GYPB: variants seen among roughly 807,000 people sequenced by gnomAD.
The protein encoded by GYPB is glycophorin B (MNS blood group), also known as glycophorin-B.
A neutral mutation model predicts 15.3 loss-of-function variants in GYPB; 13 were observed. The observed-to-expected ratio is 0.85, with a 90% CI of 0.55 to 1.35. The LOEUF (loss-of-function observed/expected upper bound fraction) is 1.35. Ranked by LOEUF, GYPB falls within the 40% of genes most tolerant of loss-of-function variation. GYPB has a pLI of 0.00. For missense variants in GYPB, 131 were observed against 108.3 expected (o/e 1.21, Z -0.93); for synonymous variants, 38 against 36.9 (o/e 1.03, Z -0.11).
chr4:144,002,583 C>T, intron 1 of GYPB: 6 of 1,286,484 alleles, frequency 4.7e-6, no homozygotes, highest in Non-Finnish European at 6.1e-6. Context: ...TTGCTCATCT[C>T]TTGGAGACAT....
chr4:144,005,024 C>CT (rs1359089340), intron 1 of GYPB, among the ~76,000 whole-genome samples: 1 of 151,950 alleles, frequency 6.6e-6, no homozygotes, highest in African/African-American at 2.4e-5. Context: ...ATTTTTATCT[C>CT]TTTGCCTTTG....
At chr4:143,997,748 TTAACA>T in intron 3 of GYPB, 114 bp from the exon 4 acceptor site, 3 of 673,054 alleles carry the variant, frequency 4.5e-6, no homozygotes, top group Non-Finnish European at 8.3e-6. Flanking sequence ...CAAAGTACAG[TTAACA>T]TACTATTATG....
At position 143,997,532 on chromosome 4, in the gene GYPB, A is replaced by C. The variant is rs749333057; in HGVS notation, c.270+8T>G. On this transcript the variant is annotated splice_region_variant and intron_variant, in intron 4 of 4. Coordinates refer to ENST00000502664, the MANE Select transcript of GYPB (RefSeq NM_002100.6). ...TATTTAGAGCAAAATTAAAAACTGAATTCTCACCTTTATCAGTCGGCGAAT... is the reference window on the plus strand; with the variant it reads ...TATTTAGAGCAAAATTAAAAACTGACTTCTCACCTTTATCAGTCGGCGAAT... The C allele has an allele frequency of 6.6e-7, 1 of 1,515,720 alleles. No homozygotes were observed. The highest frequency in any genetic ancestry group is 9.1e-7 in the Non-Finnish European group (1 of 1,093,610). The allele number at this position is 1,515,720 out of a possible 1,614,324, so 93.9% of individuals were successfully genotyped here.
intron 1 of GYPB, among the ~76,000 whole-genome samples, chr4:144,011,044 A>G (rs1728190584): frequency 6.6e-6 from 1 of 151,624 alleles, no homozygotes; most frequent in Admixed American, 6.5e-5. Context: ...CATATGGATT[A>G]TGGTTTTGTG....
At chr4:144,007,837 C>T (rs1728001213) in intron 1 of GYPB, among the ~76,000 whole-genome samples, 1 of 151,234 alleles carries the variant, frequency 6.6e-6, no homozygotes. Context: ...AGGGTCTCAC[C>T]ATATTGCCCA....
In GYPB at chr4:144,001,296, G is replaced by T. The variant is rs768663494; in HGVS notation, c.38-13C>A. 8.7e-6 allele frequency: 14 copies of T among 1,612,800 alleles called. No individual in the cohort carries two copies. Among genetic ancestry groups the T allele is most frequent in the Non-Finnish European group, 6.8e-6 (8 of 1,179,792 alleles). Reference sequence around the variant, plus strand: ...ATGCTCACAATTTCTGTATAAAATAGAAGTTGAGAAAGGGATTAAGAACGA... The same window carrying T: ...ATGCTCACAATTTCTGTATAAAATATAAGTTGAGAAAGGGATTAAGAACGA... On this transcript the variant is annotated splice_polypyrimidine_tract_variant and intron_variant, in intron 1 of 4. Coordinates refer to ENST00000502664, the MANE Select transcript of GYPB (RefSeq NM_002100.6).
chr4:144,006,425 C>T (rs1161765673), intron 1 of GYPB, among the ~76,000 whole-genome samples: 1 of 151,964 alleles, frequency 6.6e-6, no homozygotes, highest in African/African-American at 2.4e-5. Context: ...AGGATAACAA[C>T]TGGAAATAGC....
intron 3 of GYPB, among the ~76,000 whole-genome samples, chr4:143,999,019 AC>A (rs1727469660): frequency 6.6e-6 from 1 of 150,944 alleles, no homozygotes; most frequent in Non-Finnish European, 1.5e-5. Flanking sequence ...CGATCCTCCC[AC>A]CTCAGCCAGC....
At chr4:143,995,480 T>A (rs1249195639), downstream of GYPB, among the ~76,000 whole-genome samples, 1 of 151,232 alleles carries the variant, frequency 6.6e-6, no homozygotes, top group African/African-American at 2.5e-5. Context: ...AGAGGAAACG[T>A]GCTGCACATT....
chr4:144,017,096 G>A (rs1251931204), intron 1 of GYPB, among the ~76,000 whole-genome samples: 1 of 150,702 alleles, frequency 6.6e-6, no homozygotes, highest in African/African-American at 2.5e-5. Flanking sequence ...CCCACCCTCC[G>A]TGTATCCTCC....
At chr4:144,017,429 C>A (rs1728564291) in intron 1 of GYPB, among the ~76,000 whole-genome samples, 1 of 150,904 alleles carries the variant, frequency 6.6e-6, no homozygotes. Flanking sequence ...TGATCTTCCA[C>A]CTTTCTGTTA....
chr4:144,009,601 C>CTTTTTTT (rs55807150), intron 1 of GYPB, among the ~76,000 whole-genome samples: 16 of 57,802 alleles, frequency 2.8e-4, no homozygotes, highest in African/African-American at 9.7e-4. Flanking sequence ...TTTTTTCTTT[C>CTTTTTTT]TTTTTTTTTT....
downstream of GYPB, among the ~76,000 whole-genome samples, chr4:143,995,764 G>A (rs141395984): frequency 0.014 from 2,117 of 151,446 alleles, 30 homozygotes; most frequent in Non-Finnish European, 0.024. Flanking sequence ...CAAAAATCTG[G>A]TTTTTGACAA....
chr4:144,004,771 TG>T lies in GYPB; in HGVS notation c.38-3489del, dbSNP rs1473606829. 9.2e-5 allele frequency among the ~76,000 whole-genome samples: 14 copies of T among 151,974 alleles called. No homozygotes were observed. In the Middle Eastern group the frequency reaches 0.01, roughly 111 times the overall value. The stretch of plus-strand genomic sequence containing the variant: ...GATAACAACAGCTCACACAACTACT[TG>T]GCTCTCCTAGATTCCTAAGACCCTA... On this transcript the variant is annotated intron_variant, in intron 1 of 4. Coordinates refer to ENST00000502664, the MANE Select transcript of GYPB (RefSeq NM_002100.6).
In GYPB at chr4:143,997,694, A is replaced by G. The variant is rs1477031334; in HGVS notation, c.176-60T>C. ...TAAATGACCACATAGCAATAGAAAAATAAGACAGATAACATCAGCATAACA... is the reference window on the plus strand; with the variant it reads ...TAAATGACCACATAGCAATAGAAAAGTAAGACAGATAACATCAGCATAACA... On this transcript the variant is annotated intron_variant, in intron 3 of 4. Coordinates refer to ENST00000502664, the MANE Select transcript of GYPB (RefSeq NM_002100.6). The G allele has an allele frequency of 4.7e-5, 40 of 844,252 alleles. 1 individual carries two copies. Among genetic ancestry groups the G allele is most frequent in the African/African-American group, 1.0e-4 (6 of 58,828 alleles). 52.3% of individuals were successfully genotyped at this position (844,252 alleles called of 1,614,324 possible).
rs184961047 is a variant in GYPB at position 143,997,560 on chromosome 4, T to C, written c.250A>G (p.Ser84Gly). ...IIGTILLISY[S>G]IRRLIKA ...CTCACCTTTATCAGTCGGCGAATAC[T>C]GTAAGAAATTAAGAGGATCGTTCCA... Residue 84 changes from serine to glycine, a missense_variant, in exon 4 of 5, where the codon AGT becomes GGT. Coordinates refer to ENST00000502664, the MANE Select transcript of GYPB (RefSeq NM_002100.6). The C allele has an allele frequency of 6.0e-4, 961 of 1,589,484 alleles. 19 individuals are homozygous for C. Among genetic ancestry groups the C allele is most frequent in the African/African-American group, 3.9e-3 (281 of 72,608 alleles).
chr4:144,012,386 A>G (rs542947870), intron 1 of GYPB: 1 of 151,528 alleles, frequency 6.6e-6, no homozygotes, highest in Non-Finnish European at 1.5e-5. Context: ...TTGTTCCATC[A>G]TTATACATGG....
intron 1 of GYPB, among the ~76,000 whole-genome samples, chr4:144,018,946 C>T (rs1474726116): frequency 6.6e-6 from 1 of 151,426 alleles, no homozygotes; most frequent in Non-Finnish European, 1.5e-5. Flanking sequence ...CAAAGCAATA[C>T]ATTTATTCAC....
intron 4 of GYPB, among the ~76,000 whole-genome samples, chr4:143,996,706 G>C (rs192105817): frequency 6.6e-6 from 1 of 150,816 alleles, no homozygotes; most frequent in East Asian, 1.9e-4. Flanking sequence ...GGAGGCAGAG[G>C]CTGCAGTGAG....
Sources: gnomAD v4.1 joint callset for allele counts (sites outside exome capture counted in the v4.1 genomes callset) on GRCh38, gnomAD v4.1.1 for gene constraint, MANE v1.5 for transcripts, NCBI Gene and HGNC (gene_info 2026-07-23, HGNC 2026-07-21) for gene names.